KLHL2: variants seen among roughly 807,000 people sequenced by gnomAD.
KLHL2 encodes kelch like family member 2, also known as kelch-like protein 2.
A neutral mutation model predicts 75.8 loss-of-function variants in KLHL2; 15 were observed. The ratio of observed to expected loss-of-function variants is 0.20; its 90% confidence interval spans 0.13 to 0.30. The LOEUF (loss-of-function observed/expected upper bound fraction) is 0.30, where lower values mean the gene tolerates loss of function less well. KLHL2 is among the 10% of genes least tolerant of loss of function. KLHL2 has a pLI of 1.00. For synonymous variants in KLHL2, 214 were observed against 251.9 expected, an observed-to-expected ratio of 0.85 and a Z score of 1.42; for missense variants, 381 against 741.0, an observed-to-expected ratio of 0.51 and a Z score of 5.64.
chr4:165,266,332 C>G (rs1381688448), intron 5 of KLHL2, among the ~76,000 whole-genome samples: 4 of 152,108 alleles, frequency 2.6e-5, no homozygotes, highest in Non-Finnish European at 5.9e-5. Context: ...TAATTAGATC[C>G]CATTTGTCAA....
chr4:165,232,288 G>C (rs1042994341), intron 3 of KLHL2, among the ~76,000 whole-genome samples: 6 of 152,034 alleles, frequency 3.9e-5, no homozygotes, highest in African/African-American at 1.4e-4. Flanking sequence ...TTAGCCGGGC[G>C]TGGTGGCGGG....
Position 165,207,961 on chromosome 4 carries a change from G to A in KLHL2, c.26+59G>A. The A allele has an allele frequency of 8.0e-7, 1 of 1,243,740 alleles. No individual in the cohort carries two copies. The highest frequency in any genetic ancestry group is 1.0e-6 in the Non-Finnish European group (1 of 986,850). The allele number at this position is 1,243,740 out of a possible 1,614,324, so 77.0% of individuals were successfully genotyped here. ...GGATAAGCGCGCCGCTGCGGCGCGT[G>A]TCGCCGGCCGCGGGCGCAGCTCTGG... On this transcript the variant is annotated intron_variant, in intron 1 of 14. Transcript: ENST00000226725. This position sits in a 1 kb window ranked among gnomAD's most constrained non-coding sequence, Gnocchi z 4.2.
At chr4:165,248,578 G>A (rs1740444321) in intron 4 of KLHL2, among the ~76,000 whole-genome samples, 2 of 152,202 alleles carry the variant, frequency 1.3e-5, no homozygotes, top group Non-Finnish European at 2.9e-5. Context: ...AGGCCTTAAA[G>A]CAGCATTTTT....
intron 13 of KLHL2, among the ~76,000 whole-genome samples, chr4:165,315,288 A>C (rs981708713): frequency 6.6e-6 from 1 of 152,186 alleles, no homozygotes; most frequent in African/African-American, 2.4e-5. Context: ...TTGTTTTCAT[A>C]TCAAAATTCA....
chr4:165,272,155 A>T (rs1742745237), intron 5 of KLHL2, among the ~76,000 whole-genome samples: 1 of 152,180 alleles, frequency 6.6e-6, no homozygotes. Flanking sequence ...TGATGGCCTA[A>T]CTGCCCTTTA....
chr4:165,230,849 T>C (rs1399097766), intron 3 of KLHL2, among the ~76,000 whole-genome samples: 4 of 152,280 alleles, frequency 2.6e-5, no homozygotes, highest in Non-Finnish European at 5.9e-5. Context: ...CTATGCTTCA[T>C]GATTTAGCTG....
At chr4:165,231,990 G>A (rs1467591088) in intron 3 of KLHL2, among the ~76,000 whole-genome samples, 2 of 152,010 alleles carry the variant, frequency 1.3e-5, no homozygotes, top group Non-Finnish European at 2.9e-5. Flanking sequence ...GTTTTAATTT[G>A]CATTTTTCTA....
At chr4:165,321,827 A>T (rs1747005819) in intron 14 of KLHL2, among the ~76,000 whole-genome samples, 1 of 152,132 alleles carries the variant, frequency 6.6e-6, no homozygotes, top group Non-Finnish European at 1.5e-5. Flanking sequence ...AAATAGTCTT[A>T]TATTTAACTA....
chr4:165,245,123 G>A (rs149956601), intron 4 of KLHL2, among the ~76,000 whole-genome samples: 270 of 152,226 alleles, frequency 1.8e-3, no homozygotes, highest in African/African-American at 5.4e-3. Flanking sequence ...CAGGAGAATC[G>A]CTTGAACCCG....
At chr4:165,240,161 G>A (rs534430621) in intron 4 of KLHL2, among the ~76,000 whole-genome samples, 18 of 152,202 alleles carry the variant, frequency 1.2e-4, no homozygotes, top group Non-Finnish European at 2.1e-4. Flanking sequence ...ATCTGAAAAT[G>A]TGTGTTTATT....
At chr4:165,236,604 G>A (rs989813938) in intron 3 of KLHL2, among the ~76,000 whole-genome samples, 1 of 151,944 alleles carries the variant, frequency 6.6e-6, no homozygotes, top group Non-Finnish European at 1.5e-5. Flanking sequence ...CACAGCATAG[G>A]GCAAAAACTA....
chr4:165,279,206 G>C (rs1256324584), intron 5 of KLHL2: 3 of 1,546,872 alleles, frequency 1.9e-6, no homozygotes, highest in African/African-American at 1.4e-5. Context: ...ACTGAAGTAA[G>C]TGCTAAGTGG....
At chr4:165,297,776 CT>C in intron 7 of KLHL2, 51 bp downstream of exon 7, 1 of 1,060,978 alleles carries the variant, frequency 9.4e-7, no homozygotes, top group East Asian at 2.4e-5. Context: ...TGTCACTGGC[CT>C]GACAGCATGT....
intron 1 of KLHL2, among the ~76,000 whole-genome samples, chr4:165,214,709 T>G (rs2110954554): frequency 6.6e-6 from 1 of 152,336 alleles, no homozygotes; most frequent in South Asian, 2.1e-4. Flanking sequence ...TTCAGTGAGT[T>G]CAGGGCTCTG....
chr4:165,321,222 C>T (rs547851179), intron 14 of KLHL2: 1 of 454,642 alleles, frequency 2.2e-6, no homozygotes, highest in African/African-American at 2.0e-5. Flanking sequence ...TCCTGTTTCC[C>T]CTGCCTTCCC....
At chr4:165,268,049 T>G (rs1742379658) in intron 5 of KLHL2, among the ~76,000 whole-genome samples, 1 of 152,196 alleles carries the variant, frequency 6.6e-6, no homozygotes, top group African/African-American at 2.4e-5. Context: ...GGAGGGTGTA[T>G]GTGTCCAGGA....
intron 4 of KLHL2, among the ~76,000 whole-genome samples, chr4:165,246,594 A>AT (rs1561004645): frequency 1.3e-5 from 2 of 152,126 alleles, no homozygotes; most frequent in African/African-American, 4.8e-5. Flanking sequence ...TTACTAATGG[A>AT]TTTGCATGAC....
At chr4:165,279,751 C>G in intron 5 of KLHL2, 1 of 852,222 alleles carries the variant, frequency 1.2e-6, no homozygotes, top group South Asian at 1.3e-5. Context: ...CGCGCGAGTC[C>G]GCTGAACTAG....
intron 1 of KLHL2, among the ~76,000 whole-genome samples, chr4:165,214,912 GAAGT>G (rs1454610494): frequency 2.6e-5 from 4 of 151,034 alleles, no homozygotes; most frequent in Non-Finnish European, 5.9e-5. Context: ...TTTTCTTGGA[GAAGT>G]AAGTAATACA....
Sources: gnomAD v4.1 joint callset for allele counts (sites outside exome capture counted in the v4.1 genomes callset) on GRCh38, gnomAD v4.1.1 for gene constraint, Gnocchi (gnomAD v3.1) non-coding constraint, MANE v1.5 for transcripts, NCBI Gene and HGNC (gene_info 2026-07-23, HGNC 2026-07-21) for gene names.